Variants in MAP3K19 observed in about 807,000 individuals in gnomAD.
The protein encoded by MAP3K19 is mitogen-activated protein kinase kinase kinase 19.
MAP3K19 carries 91 observed loss-of-function variants against 114.4 expected under a neutral mutation model. The observed-to-expected ratio is 0.80, with a 90% confidence interval of 0.67 to 0.95. MAP3K19 has a LOEUF of 0.95. Ranked by LOEUF, MAP3K19 falls within the 40% of genes least tolerant of loss-of-function variation. MAP3K19 has a pLI of 0.00. For synonymous variants in MAP3K19, 518 were observed against 530.5 expected (o/e 0.98, Z 0.32); for missense variants, 1,471 against 1,573.2 (o/e 0.94, Z 1.10).
chr2:134,987,907 G>A lies in MAP3K19; in HGVS notation c.965C>T (p.Thr322Ile). The change falls in exon 10 of 13, where the codon ACT becomes ATT. Residue 322 changes from threonine (T) to isoleucine (I), a missense_variant. Physicochemically the swap from Thr to Ile is moderately conservative, Grantham distance 89. Transcript: ENST00000392915. ...EIEECNKIEI[T>I]HFEKGQSLVS... ...CAAAGACTGCCCTTTTTCAAAGTGA[G>A]TGATTTCAATTTTGTTACATTCTTC... 6.2e-7 allele frequency: 1 copy of A among 1,614,108 alleles called. No homozygotes were observed. The highest frequency in any genetic ancestry group is 1.7e-5 in the Admixed American group (1 of 60,026).
At chr2:134,980,794 TTCC>T (rs1684576321) in intron 12 of MAP3K19, 24 bp downstream of exon 12, 1 of 1,593,656 alleles carries the variant, frequency 6.3e-7, no homozygotes, top group African/African-American at 1.3e-5. Flanking sequence ...GGCATTTATC[TTCC>T]TCCTCTTGCT....
intron 12 of MAP3K19, among the ~76,000 whole-genome samples, chr2:134,965,525 A>G (rs1573889379): frequency 6.6e-6 from 1 of 152,198 alleles, no homozygotes; most frequent in East Asian, 1.9e-4. Flanking sequence ...TAATGAACCA[A>G]TGAGCTAATG....
chr2:135,010,388 G>T (rs569065821), intron 5 of MAP3K19, among the ~76,000 whole-genome samples: 1 of 152,308 alleles, frequency 6.6e-6, no homozygotes, highest in South Asian at 2.1e-4. Flanking sequence ...ATGACTTTAA[G>T]ATGTGCTTGG....
At position 134,964,889 on chromosome 2, in the gene MAP3K19, G is replaced by A. The variant is rs1272530705; in HGVS notation, c.3948C>T (p.Leu1316=). The change falls in exon 13 of 13, where the codon CTC becomes CTT. Residue 1316 remains leucine, a synonymous_variant. Transcript: ENST00000392915. The part of the protein sequence containing the change: ...TRDQHERPSA[L]QLLKHSFLER... ...CCAAGAAGGAGTGCTTCAGGAGCTG[G>A]AGAGCAGAAGGTCGCTCATGCTGGT... is the stretch of plus-strand genomic sequence containing the variant. 1.2e-6 allele frequency: 2 copies of A among 1,613,196 alleles called. No homozygotes were observed. The highest frequency in any genetic ancestry group is 1.7e-6 in the Non-Finnish European group (2 of 1,179,452).
chr2:134,999,079 A>C lies in MAP3K19; in HGVS notation c.315-82T>G. 1 of 1,467,116 alleles carries C rather than the reference A, an allele frequency of 6.8e-7. No homozygotes were observed. Among genetic ancestry groups the C allele is most frequent in the South Asian group, 1.3e-5 (1 of 75,332 alleles). The allele number at this position is 1,467,116 out of a possible 1,614,324, so 90.9% of individuals were successfully genotyped here. On this transcript the variant is annotated intron_variant, in intron 7 of 12. Transcript: ENST00000392915. The surrounding 1 kb of genome is among the most constrained non-coding windows in gnomAD (Gnocchi z 4.1). ...CCAGTCCTCAGTTCAGCCTGACATC[A>C]CTAGAAAGTTTGAAGAACTACTTCC...
chr2:134,964,840 T>C lies in MAP3K19; in HGVS notation c.*10A>G. On this transcript the variant is annotated 3_prime_UTR_variant, in exon 13 of 13. Transcript: ENST00000392915. ...TGCAGTGGAACTGGGAAGAAAGTCT[T>C]GATGTATATTCAGTGACTTCTCTCC... 2 of 1,608,122 alleles carry C rather than the reference T, an allele frequency of 1.2e-6. No individual in the cohort carries two copies. The highest frequency in any genetic ancestry group is 8.5e-7 in the Non-Finnish European group (1 of 1,175,020).
chr2:135,025,917 G>A (rs1688244090), intron 3 of MAP3K19, among the ~76,000 whole-genome samples: 1 of 152,188 alleles, frequency 6.6e-6, no homozygotes. Context: ...GGGAAACAAT[G>A]ATGAAACTTG....
In MAP3K19 at chr2:134,964,865, C is replaced by T; in HGVS notation, c.3972G>A (p.Leu1324=). 1 of 1,613,220 alleles carries T rather than the reference C, an allele frequency of 6.2e-7. No individual in the cohort carries two copies. Among genetic ancestry groups the T allele is most frequent in the Non-Finnish European group, 8.5e-7 (1 of 1,179,480 alleles). Residue 1324 remains leucine (L), a synonymous_variant, in exon 13 of 13, where the codon TTG becomes TTA. Transcript: ENST00000392915. ...SALQLLKHSF[L]ERSH ...TGATGTATATTCAGTGACTTCTCTC[C>T]AAGAAGGAGTGCTTCAGGAGCTGGA...
chr2:135,031,774 C>A (rs1558743830), intron 2 of MAP3K19, among the ~76,000 whole-genome samples: 1 of 152,110 alleles, frequency 6.6e-6, no homozygotes, highest in African/African-American at 2.4e-5. Context: ...AATCTAGGAA[C>A]ACTTAGGAGG....
intron 2 of MAP3K19, among the ~76,000 whole-genome samples, chr2:135,032,084 A>G (rs1346204095): frequency 2.0e-5 from 3 of 152,150 alleles, no homozygotes; most frequent in African/African-American, 7.2e-5. Flanking sequence ...GGAAGTGTAA[A>G]TGGTGCATCC....
At position 134,986,354 on chromosome 2, in the gene MAP3K19, G is replaced by A. The variant is rs757386090; in HGVS notation, c.2518C>T (p.Leu840Phe). The A allele has an allele frequency of 5.6e-6, 9 of 1,613,570 alleles. No homozygotes were observed. The Admixed American group carries it at 6.7e-5, about 12-fold the overall frequency. The part of the protein sequence containing the change: ...LTTSLRDLQE[L>F]EELHHQIPFI... ...GGGATCTGGTGATGTAGCTCTTCAAGTTCTTGCAGATCTCTGAGGCTTGTG... is the reference window on the plus strand; with the variant it reads ...GGGATCTGGTGATGTAGCTCTTCAAATTCTTGCAGATCTCTGAGGCTTGTG... Residue 840 changes from leucine to phenylalanine, a missense_variant, in exon 10 of 13, where the codon CTT (leucine) becomes TTT (phenylalanine). Physicochemically the swap from Leu to Phe is conservative, Grantham distance 22 (BLOSUM62 0). Coordinates refer to ENST00000392915, the MANE Select transcript of MAP3K19 (RefSeq NM_025052.5).
intron 8 of MAP3K19, among the ~76,000 whole-genome samples, chr2:134,997,284 T>G (rs748119263): frequency 6.6e-6 from 1 of 152,250 alleles, no homozygotes; most frequent in East Asian, 1.9e-4. Flanking sequence ...CCTAGAATAG[T>G]CAAATTCGTA....
Position 134,975,365 on chromosome 2 carries a change from A to G in MAP3K19, c.3920+5456T>C, listed in dbSNP as rs529066740. Among the ~76,000 whole-genome samples the G allele has an allele frequency of 2.6e-5, 4 of 152,264 alleles. No homozygotes were observed. In the South Asian group the frequency reaches 8.3e-4, roughly 32 times the overall value. ...CAATGGGCTGGATGGGCCGGTCCTC[A>G]GGTCCTCATGAGGAATGTACAGATA... On this transcript the variant is annotated intron_variant, in intron 12 of 12. Coordinates refer to ENST00000392915, the MANE Select transcript of MAP3K19 (RefSeq NM_025052.5).
intron 8 of MAP3K19, among the ~76,000 whole-genome samples, chr2:134,997,805 G>A (rs1278480291): frequency 3.6e-5 from 3 of 84,002 alleles, no homozygotes; most frequent in African/African-American, 1.5e-4. Flanking sequence ...GTGACAGAGC[G>A]AGACTCCGTC....
At chr2:135,025,940 T>C (rs1424682357) in intron 3 of MAP3K19, among the ~76,000 whole-genome samples, 2 of 152,256 alleles carry the variant, frequency 1.3e-5, no homozygotes, top group African/African-American at 4.8e-5. Context: ...TTACTTATCC[T>C]ATTCTAGGAC....
chr2:135,005,038 C>A (rs7606031), intron 6 of MAP3K19, among the ~76,000 whole-genome samples: 1,729 of 152,326 alleles, frequency 0.011, 25 homozygotes, highest in African/African-American at 0.039. Flanking sequence ...TCTGGCCAGT[C>A]AAGCTGCCTA....
chr2:135,005,820 G>A (rs1024806234), intron 5 of MAP3K19, among the ~76,000 whole-genome samples: 9 of 152,198 alleles, frequency 5.9e-5, no homozygotes, highest in Admixed American at 5.9e-4. Context: ...TGCCCAGGCT[G>A]CTAAGCTGCC....
At chr2:135,000,062 C>A in intron 6 of MAP3K19, 47 bp from the exon 7 acceptor site, 2 of 1,265,792 alleles carry the variant, frequency 1.6e-6, no homozygotes, top group South Asian at 2.4e-5. Flanking sequence ...TAATGAATTC[C>A]AGCGGAAAGC....
intron 9 of MAP3K19, among the ~76,000 whole-genome samples, chr2:134,989,321 A>G (rs1418956970): frequency 6.6e-6 from 1 of 152,186 alleles, no homozygotes; most frequent in African/African-American, 2.4e-5. Flanking sequence ...ATATCACAAT[A>G]TTTATAGGCA....
Sources: gnomAD v4.1 joint callset for allele counts (sites outside exome capture counted in the v4.1 genomes callset) on GRCh38, gnomAD v4.1.1 for gene constraint, Gnocchi (gnomAD v3.1) non-coding constraint, MANE v1.5 for transcripts, NCBI Gene and HGNC (gene_info 2026-07-23, HGNC 2026-07-21) for gene names.